Variants in FHIT observed in about 807,000 individuals in gnomAD.
FHIT encodes bis(5'-adenosyl)-triphosphatase.
A neutral mutation model predicts 17.9 loss-of-function variants in FHIT; 19 were observed. The observed-to-expected ratio is 1.06, with a 90% CI of 0.74 to 1.56. FHIT has a LOEUF of 1.56. FHIT is among the 40% of genes most tolerant of loss of function. The pLI, the probability that FHIT is intolerant of heterozygous loss-of-function variation, is 0.00. For synonymous variants in FHIT, 81 were observed against 69.7 expected, an observed-to-expected ratio of 1.16 and a Z score of -0.81; for missense variants, 248 against 189.2, an observed-to-expected ratio of 1.31 and a Z score of -1.82.
chr3:60,663,153 G>GTGATAT lies in FHIT; in HGVS notation c.-17-126175_-17-126174insATATCA, dbSNP rs57146494. Among the ~76,000 whole-genome samples, 84 of 77,848 alleles carry GTGATAT rather than the reference G, an allele frequency of 1.1e-3. 2 individuals are homozygous for GTGATAT. Among genetic ancestry groups the GTGATAT allele is most frequent in the East Asian group, 2.6e-3 (6 of 2,266 alleles). The allele number at this position is 77,848 out of a possible 152,430, so 51.1% of individuals were successfully genotyped here. ...CTATATAGCCCTAATATTGGGTGGA[G>GTGATAT]ATATATATCTCTTTAATGTTGGGTT... On this transcript the variant is annotated intron_variant, in intron 4 of 9. Coordinates refer to ENST00000492590, the MANE Select transcript of FHIT (RefSeq NM_002012.4).
intron 5 of FHIT, among the ~76,000 whole-genome samples, chr3:60,466,988 T>G (rs1277018177): frequency 6.6e-6 from 1 of 151,996 alleles, no homozygotes; most frequent in Non-Finnish European, 1.5e-5. Context: ...ATTCAGCAGT[T>G]AAGCCATCAA....
intron 5 of FHIT, among the ~76,000 whole-genome samples, chr3:60,035,639 T>C (rs1015413192): frequency 2.0e-5 from 3 of 152,214 alleles, no homozygotes; most frequent in African/African-American, 7.2e-5. Context: ...AAGGACAAGA[T>C]TCAGCCACAC....
chr3:59,882,888 G>T (rs1048395534), intron 8 of FHIT, among the ~76,000 whole-genome samples: 1 of 152,152 alleles, frequency 6.6e-6, no homozygotes, highest in African/African-American at 2.4e-5. Flanking sequence ...CTGATAAAAG[G>T]CAAAGCTAAA....
chr3:60,752,528 A>G (rs941074290), intron 4 of FHIT, among the ~76,000 whole-genome samples: 2 of 151,724 alleles, frequency 1.3e-5, no homozygotes, highest in African/African-American at 4.8e-5. Context: ...GCCAAGTGAG[A>G]CCTCCTCTCC....
intron 5 of FHIT, among the ~76,000 whole-genome samples, chr3:60,150,587 G>T (rs995472969): frequency 1.3e-5 from 2 of 151,532 alleles, no homozygotes; most frequent in Admixed American, 1.3e-4. Context: ...CTCGAAAGTC[G>T]CTGAGACTAT....
chr3:59,822,497 A>G (rs1004945905), intron 8 of FHIT, among the ~76,000 whole-genome samples: 63 of 152,200 alleles, frequency 4.1e-4, no homozygotes, highest in African/African-American at 1.5e-3. Flanking sequence ...CCATTCTTGC[A>G]GGAGTAAGGT....
intron 4 of FHIT, among the ~76,000 whole-genome samples, chr3:60,557,473 AGTCT>A (rs1265466182): frequency 6.6e-6 from 1 of 152,022 alleles, no homozygotes; most frequent in Admixed American, 6.6e-5. Context: ...CTACCCACAG[AGTCT>A]GTCTGTTTGG....
chr3:61,105,789 A>T (rs1250570582), intron 2 of FHIT, among the ~76,000 whole-genome samples: 2 of 152,212 alleles, frequency 1.3e-5, no homozygotes, highest in Admixed American at 1.3e-4. Flanking sequence ...TTATTTGTGC[A>T]GAAAAGGTCT....
rs567816727 is a variant in FHIT, at chr3:60,657,612, T to C, written c.-17-120633A>G. Among the ~76,000 whole-genome samples the C allele has an allele frequency of 1.4e-4, 22 of 152,304 alleles. No homozygotes were observed. The East Asian group carries it at 3.7e-3, about 25-fold the overall frequency. On this transcript the variant is annotated intron_variant, in intron 4 of 9. Coordinates refer to ENST00000492590, the MANE Select transcript of FHIT (RefSeq NM_002012.4). Reference sequence around the variant, plus strand: ...AGTACTGCTATTGACCAAGAGTCTCTCCTTGACCAAACGTTAATCAGGCTC... The same window carrying C: ...AGTACTGCTATTGACCAAGAGTCTCCCCTTGACCAAACGTTAATCAGGCTC...
intron 8 of FHIT, among the ~76,000 whole-genome samples, chr3:59,777,896 C>T (rs1702402051): frequency 2.0e-5 from 3 of 152,158 alleles, no homozygotes; most frequent in Non-Finnish European, 4.4e-5. Context: ...CCCCAGGTTT[C>T]CCCGGGCTTA....
intron 5 of FHIT, among the ~76,000 whole-genome samples, chr3:60,462,957 A>T (rs928305088): frequency 3.3e-5 from 5 of 152,196 alleles, no homozygotes; most frequent in African/African-American, 1.2e-4. Context: ...CCTGATGTGC[A>T]CTGACCACCT....
chr3:60,147,017 G>T lies in FHIT; in HGVS notation c.104-132865C>A, dbSNP rs571853817. ...AAATCGTACATCTCCATTTTGACAC[G>T]CAATCCTTTATTTTCCTTTCACTGA... On this transcript the variant is annotated intron_variant, in intron 5 of 9. Transcript: ENST00000492590. Among the ~76,000 whole-genome samples, 158 of 152,178 alleles carry T rather than the reference G, an allele frequency of 1.0e-3. 9 individuals carry two copies. The South Asian group carries it at 0.032, about 31-fold the overall frequency.
intron 2 of FHIT, among the ~76,000 whole-genome samples, chr3:61,142,752 G>A (rs574830221): frequency 3.3e-5 from 5 of 152,230 alleles, no homozygotes; most frequent in Admixed American, 2.6e-4. Context: ...ATTATCAAAA[G>A]GGGCAATTCA....
chr3:59,836,786 G>A (rs1701354536), intron 8 of FHIT, among the ~76,000 whole-genome samples: 1 of 152,100 alleles, frequency 6.6e-6, no homozygotes, highest in Non-Finnish European at 1.5e-5. Flanking sequence ...TCAGAAGGAA[G>A]CCACCTGTCA....
At chr3:59,918,399 A>G in intron 8 of FHIT, among the ~76,000 whole-genome samples, 1 of 152,172 alleles carries the variant, frequency 6.6e-6, no homozygotes, top group East Asian at 1.9e-4. Context: ...GCGATATAGT[A>G]GAGTTACTCT....
At chr3:60,708,437 T>C (rs2041429148) in intron 4 of FHIT, among the ~76,000 whole-genome samples, 1 of 152,232 alleles carries the variant, frequency 6.6e-6, no homozygotes, top group African/African-American at 2.4e-5. Context: ...CCAAGTTCAT[T>C]GATATGTGAC....
At chr3:61,177,024 T>G (rs1006832102) in intron 2 of FHIT, among the ~76,000 whole-genome samples, 13 of 151,850 alleles carry the variant, frequency 8.6e-5, no homozygotes, top group African/African-American at 2.9e-4. Flanking sequence ...AAATACAAAA[T>G]AAATTAGCCA....
intron 5 of FHIT, among the ~76,000 whole-genome samples, chr3:60,159,336 G>C (rs761946005): frequency 2.2e-4 from 33 of 152,062 alleles, no homozygotes; most frequent in Non-Finnish European, 4.0e-4. Flanking sequence ...ACCCAGGCTG[G>C]TCTCAAACTC....
chr3:60,945,095 A>G (rs1255707334), intron 3 of FHIT, among the ~76,000 whole-genome samples: 1 of 152,174 alleles, frequency 6.6e-6, no homozygotes, highest in Non-Finnish European at 1.5e-5. Context: ...GGAGGAGGAA[A>G]GCTACAGTAG....
Sources: gnomAD v4.1 joint callset for allele counts (sites outside exome capture counted in the v4.1 genomes callset) on GRCh38, gnomAD v4.1.1 for gene constraint, MANE v1.5 for transcripts, NCBI Gene and HGNC (gene_info 2026-07-23, HGNC 2026-07-21) for gene names.